Variants in SLCO6A1 observed in about 807,000 individuals in gnomAD.
SLCO6A1 encodes the protein cancer/testis antigen 48.
A neutral mutation model predicts 72.7 loss-of-function variants in SLCO6A1; 65 were observed. The observed-to-expected ratio is 0.89, with a 90% CI of 0.73 to 1.10. The LOEUF (loss-of-function observed/expected upper bound fraction) is 1.10, where lower values mean the gene tolerates loss of function less well. Ranked by LOEUF, SLCO6A1 falls within the 50% of genes least tolerant of loss-of-function variation. SLCO6A1 has a pLI of 0.00. For missense variants in SLCO6A1, 874 were observed against 872.6 expected, an observed-to-expected ratio of 1.00 and a Z score of -0.02; for synonymous variants, 314 against 298.2, an observed-to-expected ratio of 1.05 and a Z score of -0.55.
intron 6 of SLCO6A1, among the ~76,000 whole-genome samples, chr5:102,441,575 TA>T: frequency 6.6e-6 from 1 of 152,196 alleles, no homozygotes; most frequent in East Asian, 1.9e-4. Context: ...TCTCATTTTC[TA>T]AAAAAATAAA....
intron 8 of SLCO6A1, among the ~76,000 whole-genome samples, chr5:102,414,960 G>T (rs1748202492): frequency 6.6e-6 from 1 of 151,588 alleles, no homozygotes; most frequent in Non-Finnish European, 1.5e-5. Context: ...AGGCAAGCTT[G>T]TTTACAATAG....
intron 12 of SLCO6A1, among the ~76,000 whole-genome samples, 157 bp downstream of exon 12, chr5:102,388,531 T>A (rs1459800775): frequency 6.6e-6 from 1 of 152,102 alleles, no homozygotes; most frequent in Non-Finnish European, 1.5e-5. Context: ...ATTTTACTTA[T>A]AGAGATGTGG....
At position 102,399,669 on chromosome 5, in the gene SLCO6A1, C is replaced by G. The variant is rs138283674; in HGVS notation, c.1700G>C (p.Arg567Thr). ...ADAEGDFIDA[R>T]PGKCDAKCYK... ...GCACTTTGCATCACATTTCCCGGGT[C>G]TGGCATCAATAAAATCACCTTCTGC... The change falls in exon 10 of 14, where the codon AGA (arginine) becomes ACA (threonine). Residue 567 changes from arginine (R) to threonine (T), a missense_variant. Physicochemically the swap from Arg to Thr is moderately conservative, Grantham distance 71. Transcript: ENST00000506729. 493 of 1,609,508 alleles carry G rather than the reference C, an allele frequency of 3.1e-4. 11 individuals carry two copies. The East Asian group carries it at 6.1e-3, about 20-fold the overall frequency.
intron 4 of SLCO6A1, among the ~76,000 whole-genome samples, chr5:102,467,442 A>C (rs1207838835): frequency 6.6e-6 from 1 of 152,014 alleles, no homozygotes; most frequent in Non-Finnish European, 1.5e-5. Context: ...GGTGGCAGGC[A>C]AGAGATCTTG....
At chr5:102,472,810 C>T (rs935468026) in intron 4 of SLCO6A1, among the ~76,000 whole-genome samples, 5 of 151,998 alleles carry the variant, frequency 3.3e-5, no homozygotes, top group Non-Finnish European at 7.4e-5. Context: ...CAACTAAATG[C>T]CACAGAAGTA....
chr5:102,432,968 CT>C (rs898635927), intron 7 of SLCO6A1, among the ~76,000 whole-genome samples: 2 of 151,984 alleles, frequency 1.3e-5, no homozygotes, highest in African/African-American at 4.8e-5. Flanking sequence ...TTGTTTGTTC[CT>C]TTTTATTCTT....
chr5:102,413,403 C>T (rs1177449158), intron 8 of SLCO6A1, among the ~76,000 whole-genome samples: 2 of 147,184 alleles, frequency 1.4e-5, no homozygotes, highest in Non-Finnish European at 3.0e-5. Flanking sequence ...TTATAACAAA[C>T]ATAATAATAA....
intron 7 of SLCO6A1, among the ~76,000 whole-genome samples, chr5:102,425,643 A>C (rs905241590): frequency 6.6e-6 from 1 of 152,212 alleles, no homozygotes; most frequent in African/African-American, 2.4e-5. Flanking sequence ...ATGGAAAAAC[A>C]TTCCATGCTC....
At chr5:102,435,951 T>A (rs1338956820) in intron 7 of SLCO6A1, among the ~76,000 whole-genome samples, 2 of 152,132 alleles carry the variant, frequency 1.3e-5, no homozygotes, top group African/African-American at 4.8e-5. Flanking sequence ...TTTCAGTTAT[T>A]GCTCTTATAA....
intron 8 of SLCO6A1, among the ~76,000 whole-genome samples, chr5:102,415,020 A>G (rs1374197443): frequency 6.6e-6 from 1 of 152,064 alleles, no homozygotes; most frequent in East Asian, 1.9e-4. Flanking sequence ...AAGGTGAAAG[A>G]TCTCTATAAG....
chr5:102,479,851 C>A (rs889030486), intron 2 of SLCO6A1, among the ~76,000 whole-genome samples: 2 of 152,126 alleles, frequency 1.3e-5, no homozygotes, highest in Non-Finnish European at 2.9e-5. Context: ...TGCCCCTAAT[C>A]GATTCACTCT....
chr5:102,406,119 AAACTCAGCCATACTGAT>A (rs1357264760), intron 9 of SLCO6A1, among the ~76,000 whole-genome samples: 2 of 150,622 alleles, frequency 1.3e-5, no homozygotes, highest in Non-Finnish European at 3.0e-5. Context: ...AGCTAGATCT[AAACTCAGCCATACTGAT>A]AACTCTATTA....
chr5:102,407,892 A>G (rs1312373490), intron 9 of SLCO6A1, among the ~76,000 whole-genome samples: 1 of 152,166 alleles, frequency 6.6e-6, no homozygotes, highest in African/African-American at 2.4e-5. Context: ...AGCACAACTC[A>G]GCTATTACCC....
intron 10 of SLCO6A1, among the ~76,000 whole-genome samples, chr5:102,397,240 G>A (rs1351464481): frequency 6.6e-6 from 1 of 151,984 alleles, no homozygotes; most frequent in Non-Finnish European, 1.5e-5. Flanking sequence ...TTTGTCCATA[G>A]GCAGAATCCT....
chr5:102,399,378 A>C (rs377620239), intron 10 of SLCO6A1, among the ~76,000 whole-genome samples, 177 bp downstream of exon 10: 3 of 152,286 alleles, frequency 2.0e-5, no homozygotes, highest in African/African-American at 7.2e-5. Context: ...CTATGCAAAT[A>C]AGTTAGCTAA....
chr5:102,429,272 T>C (rs1464798166), intron 7 of SLCO6A1, among the ~76,000 whole-genome samples: 1 of 152,230 alleles, frequency 6.6e-6, no homozygotes, highest in Non-Finnish European at 1.5e-5. Context: ...ACTCTGTTGA[T>C]AGTTTCTTTT....
chr5:102,391,306 G>A, intron 10 of SLCO6A1: 1 of 413,572 alleles, frequency 2.4e-6, no homozygotes. Flanking sequence ...CTCTTCCCCA[G>A]CTCCCATTCC....
intron 9 of SLCO6A1, among the ~76,000 whole-genome samples, chr5:102,402,557 G>A (rs1747457818): frequency 6.6e-6 from 1 of 152,144 alleles, no homozygotes; most frequent in Non-Finnish European, 1.5e-5. Flanking sequence ...AGGCTGGCAA[G>A]TCTAATATGA....
At chr5:102,383,424 T>A (rs1166000820) in intron 12 of SLCO6A1, among the ~76,000 whole-genome samples, 11 of 151,798 alleles carry the variant, frequency 7.2e-5, no homozygotes, top group Non-Finnish European at 1.5e-4. Context: ...CTAAGTTTTG[T>A]AAATACTTTT....
Sources: allele counts gnomAD v4.1 joint callset (sites outside exome capture counted in the v4.1 genomes callset), GRCh38; gene constraint gnomAD v4.1.1; transcripts MANE v1.5; gene names NCBI Gene and HGNC (gene_info 2026-07-23, HGNC 2026-07-21).